The following SNX29 variants were observed in gnomAD, a reference collection of about 807,000 sequenced individuals.
SNX29 encodes sorting nexin 29.
Under a neutral mutation model 102.1 loss-of-function variants are expected in SNX29, and 78 were observed. That is an observed-to-expected ratio of 0.76 (90% CI 0.64 to 0.92). The LOEUF is 0.92. SNX29 is among the 40% of genes least tolerant of loss of function. The pLI is 0.00. For synonymous variants in SNX29, 580 were observed against 414.5 expected (o/e 1.40, Z -4.85); for missense variants, 1,280 against 1,061.7 (o/e 1.21, Z -2.86).
intron 13 of SNX29, among the ~76,000 whole-genome samples, chr16:12,155,439 G>C (rs1445932668): frequency 2.6e-5 from 4 of 152,106 alleles, no homozygotes; most frequent in Non-Finnish European, 5.9e-5. Flanking sequence ...CCAGGGACAT[G>C]GTCATTAACA....
In SNX29 at chr16:12,570,401, A is replaced by T. The variant is rs1414985774; in HGVS notation, c.*1772A>T. Reference sequence around the variant, plus strand: ...ATCTGAAATTCCAAGGCCAGAGTGCACATCAGCTCACATGACTGGCAACTC... The same window carrying T: ...ATCTGAAATTCCAAGGCCAGAGTGCTCATCAGCTCACATGACTGGCAACTC... On this transcript the variant is annotated 3_prime_UTR_variant, in exon 21 of 21. Transcript: ENST00000566228. The T allele has an allele frequency of 3.5e-6, 1 of 288,782 alleles. No homozygotes were observed. The highest frequency in any genetic ancestry group is 5.6e-5 in the Admixed American group (1 of 17,830). 17.9% of individuals were successfully genotyped at this position (288,782 alleles called of 1,614,324 possible).
chr16:12,130,602 A>G (rs763596982), intron 13 of SNX29, among the ~76,000 whole-genome samples: 47 of 152,178 alleles, frequency 3.1e-4, no homozygotes, highest in Non-Finnish European at 8.8e-5. Flanking sequence ...GAACCTGTGC[A>G]AGTCCCCTTC....
chr16:12,395,338 C>A (rs2083681595), intron 16 of SNX29, among the ~76,000 whole-genome samples: 1 of 152,178 alleles, frequency 6.6e-6, no homozygotes, highest in Admixed American at 6.5e-5. Flanking sequence ...CCCCAAACAA[C>A]CCAGGAAATC....
At chr16:12,469,077 G>C (rs996635080) in intron 18 of SNX29, among the ~76,000 whole-genome samples, 1 of 152,202 alleles carries the variant, frequency 6.6e-6, no homozygotes, top group Non-Finnish European at 1.5e-5. Context: ...AGCACAGACT[G>C]GCTGGGTCTC....
chr16:12,179,620 TTA>T (rs1212694830), intron 13 of SNX29, among the ~76,000 whole-genome samples: 1 of 152,230 alleles, frequency 6.6e-6, no homozygotes, highest in East Asian at 1.9e-4. Context: ...CATCTTGAGT[TTA>T]TGTTTAATGC....
chr16:12,242,222 T>C (rs2078125497), intron 14 of SNX29, among the ~76,000 whole-genome samples: 1 of 151,988 alleles, frequency 6.6e-6, no homozygotes, highest in Non-Finnish European at 1.5e-5. Context: ...AGCGGTGGAC[T>C]ACAGCCTTGA....
At chr16:12,483,476 C>A (rs535382788) in intron 19 of SNX29, among the ~76,000 whole-genome samples, 12 of 151,386 alleles carry the variant, frequency 7.9e-5, no homozygotes, top group South Asian at 6.3e-4. Context: ...TGCCACCACG[C>A]CTGGTAATTT....
chr16:12,255,256 C>A (rs1412640245), intron 14 of SNX29, among the ~76,000 whole-genome samples: 1 of 152,076 alleles, frequency 6.6e-6, no homozygotes, highest in African/African-American at 2.4e-5. Context: ...AGCGCAATGG[C>A]GTGATCTCGG....
intron 18 of SNX29, among the ~76,000 whole-genome samples, chr16:12,422,047 C>T (rs925079622): frequency 6.6e-6 from 1 of 151,962 alleles, no homozygotes; most frequent in Non-Finnish European, 1.5e-5. Context: ...CACCTATCAT[C>T]CATATCCTCA....
At chr16:12,280,873 G>C (rs913422221) in intron 15 of SNX29, among the ~76,000 whole-genome samples, 7 of 152,144 alleles carry the variant, frequency 4.6e-5, no homozygotes, top group Admixed American at 3.3e-4. Flanking sequence ...TTCTTTCCGT[G>C]TCAGAAGGGC....
chr16:12,011,073 T>C (rs1401557770), intron 3 of SNX29, among the ~76,000 whole-genome samples: 6 of 152,276 alleles, frequency 3.9e-5, no homozygotes, highest in Admixed American at 3.9e-4. Flanking sequence ...GGTTCATTAA[T>C]TGGACTCTCC....
At chr16:12,534,329 C>T (rs556921427) in intron 20 of SNX29, among the ~76,000 whole-genome samples, 1 of 152,234 alleles carries the variant, frequency 6.6e-6, no homozygotes, top group East Asian at 1.9e-4. Context: ...CTGTGCCCAG[C>T]CAAATGTCCT....
intron 14 of SNX29, among the ~76,000 whole-genome samples, chr16:12,244,965 ATTTG>A (rs2078217800): frequency 6.6e-6 from 1 of 152,198 alleles, no homozygotes; most frequent in African/African-American, 2.4e-5. Flanking sequence ...TAATTATAAT[ATTTG>A]TTTGATGAAG....
chr16:12,418,275 C>T (rs1023055744), intron 18 of SNX29, among the ~76,000 whole-genome samples: 1 of 152,222 alleles, frequency 6.6e-6, no homozygotes, highest in Non-Finnish European at 1.5e-5. Context: ...TTGCTAGCGT[C>T]CTTCCTCCAG....
chr16:12,552,365 C>G (rs967867781), intron 20 of SNX29, among the ~76,000 whole-genome samples: 3 of 152,154 alleles, frequency 2.0e-5, no homozygotes, highest in African/African-American at 7.2e-5. Flanking sequence ...AGCCAATACA[C>G]GTGTAAGACA....
At chr16:12,155,588 A>G (rs776723253) in intron 13 of SNX29, among the ~76,000 whole-genome samples, 13 of 152,166 alleles carry the variant, frequency 8.5e-5, no homozygotes, top group Admixed American at 7.9e-4. Flanking sequence ...TGGGGACCAA[A>G]TGAGAGGCCG....
chr16:12,094,042 G>A (rs991541652), intron 11 of SNX29, among the ~76,000 whole-genome samples: 2 of 152,170 alleles, frequency 1.3e-5, no homozygotes, highest in Non-Finnish European at 2.9e-5. Flanking sequence ...CACTGGCTGT[G>A]TTCTTACGCA....
At chr16:12,261,402 G>A (rs1455702296) in intron 14 of SNX29, among the ~76,000 whole-genome samples, 1 of 130,996 alleles carries the variant, frequency 7.6e-6, no homozygotes, top group Non-Finnish European at 1.6e-5. Flanking sequence ...GTCCCCGGCT[G>A]GAGTAAGTGT....
At chr16:12,329,371 T>G (rs989976750) in intron 15 of SNX29, among the ~76,000 whole-genome samples, 7 of 151,512 alleles carry the variant, frequency 4.6e-5, no homozygotes, top group Non-Finnish European at 7.4e-5. Flanking sequence ...CTGGGATGGA[T>G]ACTGGGTTGC....
Sources: allele counts gnomAD v4.1 joint callset (sites outside exome capture counted in the v4.1 genomes callset), GRCh38; gene constraint gnomAD v4.1.1; transcripts MANE v1.5; gene names NCBI Gene and HGNC (gene_info 2026-07-23, HGNC 2026-07-21).